Variants in KIAA1671 observed in about 807,000 individuals in gnomAD.
KIAA1671 encodes uncharacterized protein KIAA1671.
A neutral mutation model predicts 131.2 loss-of-function variants in KIAA1671; 52 were observed. The observed-to-expected ratio is 0.40, with a 90% CI of 0.32 to 0.50. The LOEUF (loss-of-function observed/expected upper bound fraction) is 0.50, where lower values mean the gene tolerates loss of function less well. Among genes scored for constraint, KIAA1671 ranks in the 20% least tolerant of loss-of-function variants. The pLI, the probability that KIAA1671 is intolerant of heterozygous loss-of-function variation, is 0.73. For synonymous variants in KIAA1671, 1,003 were observed against 961.6 expected, an observed-to-expected ratio of 1.04 and a Z score of -0.80; for missense variants, 2,360 against 2,364.2, an observed-to-expected ratio of 1.00 and a Z score of 0.04.
intron 1 of KIAA1671, among the ~76,000 whole-genome samples, chr22:24,969,272 C>A (rs6004374): frequency 0.18 from 28,115 of 152,026 alleles, 3,068 homozygotes; most frequent in South Asian, 0.3. Context: ...TCCAGATCTC[C>A]CTCAGATACC....
chr22:25,137,733 A>G (rs368734480), intron 6 of KIAA1671, among the ~76,000 whole-genome samples: 3 of 152,306 alleles, frequency 2.0e-5, no homozygotes, highest in East Asian at 3.9e-4. Context: ...TCATCAAGTG[A>G]TTTTCTTTCA....
intron 6 of KIAA1671, among the ~76,000 whole-genome samples, chr22:25,169,439 A>G (rs982419924): frequency 4.2e-5 from 6 of 144,292 alleles, no homozygotes; most frequent in East Asian, 2.1e-4. Flanking sequence ...AAAAAAAAAA[A>G]GGTGACTGAG....
At chr22:25,129,761 A>G (rs915711628) in intron 6 of KIAA1671, among the ~76,000 whole-genome samples, 1 of 151,792 alleles carries the variant, frequency 6.6e-6, no homozygotes, top group African/African-American at 2.4e-5. Context: ...TCCTGGGTTC[A>G]AGGACTCTTC....
At chr22:24,999,250 A>G (rs1347477819) in intron 1 of KIAA1671, among the ~76,000 whole-genome samples, 1 of 152,074 alleles carries the variant, frequency 6.6e-6, no homozygotes, top group East Asian at 1.9e-4. Flanking sequence ...AGAGAGAGAG[A>G]GCACAATAGG....
In KIAA1671 at chr22:24,965,757, A is replaced by AG. The variant is rs202083684; in HGVS notation, c.-208+12985_-208+12986insG. 5.1e-3 allele frequency among the ~76,000 whole-genome samples: 776 copies of AG among 151,066 alleles called. 6 individuals carry two copies. The highest frequency in any genetic ancestry group is 0.018 in the African/African-American group (718 of 40,652). ...CTCCATCTCAAAAAAAAAAAAAAAAAAAAAGAAAAGGATGAGCTTAAGGTT... is the reference window on the plus strand; with the variant it reads ...CTCCATCTCAAAAAAAAAAAAAAAAAGAAAAGAAAAGGATGAGCTTAAGGTT... On this transcript the variant is annotated intron_variant, in intron 1 of 12. Coordinates refer to ENST00000358431, the MANE Select transcript of KIAA1671 (RefSeq NM_001145206.2).
At chr22:24,978,946 C>T (rs1465188291) in intron 1 of KIAA1671, among the ~76,000 whole-genome samples, 1 of 149,512 alleles carries the variant, frequency 6.7e-6, no homozygotes, top group Non-Finnish European at 1.5e-5. Flanking sequence ...TGGCCTCCCA[C>T]AGTGCTGGGA....
Position 25,003,400 on chromosome 22 carries a change from A to ATTTTTTTTT in KIAA1671, c.-207-22212_-207-22204dup, listed in dbSNP as rs71191013. On this transcript the variant is annotated intron_variant, in intron 1 of 12. Transcript: ENST00000358431. ...GCCTTATCTCCTTTCACTTGGAGAG[A>ATTTTTTTTT]TTTTTTTTTTTTTTTTTTTTTTTTT... 7.0e-5 allele frequency among the ~76,000 whole-genome samples: 8 copies of ATTTTTTTTT among 113,844 alleles called. 1 individual carries two copies. Among genetic ancestry groups the ATTTTTTTTT allele is most frequent in the African/African-American group, 3.4e-4 (8 of 23,814 alleles). 74.7% of individuals were successfully genotyped at this position (113,844 alleles called of 152,430 possible).
chr22:24,997,728 A>C (rs1229412412), intron 1 of KIAA1671, among the ~76,000 whole-genome samples: 1 of 152,178 alleles, frequency 6.6e-6, no homozygotes, highest in African/African-American at 2.4e-5. Context: ...CTCCTTAAGC[A>C]TAACATACAT....
chr22:25,025,595 A>AG (rs1925907403), intron 1 of KIAA1671, 38 bp from the exon 2 acceptor site: 1 of 152,232 alleles, frequency 6.6e-6, no homozygotes, highest in Non-Finnish European at 1.5e-5. Context: ...ATACTGCCAG[A>AG]ACTCCGGAAC....
At chr22:24,962,418 A>T (rs1319485881) in intron 1 of KIAA1671, among the ~76,000 whole-genome samples, 1 of 152,156 alleles carries the variant, frequency 6.6e-6, no homozygotes, top group East Asian at 1.9e-4. Context: ...GGGTCCTGAT[A>T]GGGGCAGAAT....
At chr22:25,091,850 T>C (rs993590596) in intron 6 of KIAA1671, among the ~76,000 whole-genome samples, 3 of 152,228 alleles carry the variant, frequency 2.0e-5, no homozygotes, top group African/African-American at 4.8e-5. Context: ...TCCTAGGCTC[T>C]GGTTCATCAG....
chr22:25,002,970 C>T (rs1261668869), intron 1 of KIAA1671, among the ~76,000 whole-genome samples: 1 of 152,142 alleles, frequency 6.6e-6, no homozygotes, highest in Non-Finnish European at 1.5e-5. Flanking sequence ...TGGGATTTTG[C>T]CATGTTGCCC....
Position 25,088,305 on chromosome 22 carries a change from C to T in KIAA1671, c.4530+38941C>T, listed in dbSNP as rs570091360. ...GTATTCTTAGTAGAGACAGGTTTCA[C>T]CATGTTGGCCAGGCTGGTCTTGAAC... On this transcript the variant is annotated intron_variant, in intron 6 of 12. Transcript: ENST00000358431. 2.4e-4 allele frequency among the ~76,000 whole-genome samples: 36 copies of T among 152,198 alleles called. No homozygotes were observed. In the South Asian group the frequency reaches 5.4e-3, roughly 23 times the overall value.
intron 1 of KIAA1671, among the ~76,000 whole-genome samples, chr22:25,024,939 G>C (rs1925854525): frequency 6.6e-6 from 1 of 152,054 alleles, no homozygotes; most frequent in Non-Finnish European, 1.5e-5. Flanking sequence ...GTTGTACCGG[G>C]TTGAAGGGAG....
At chr22:25,042,217 G>A (rs11704268) in intron 5 of KIAA1671, among the ~76,000 whole-genome samples, 20,128 of 152,170 alleles carry the variant, frequency 0.13, 1,384 homozygotes, top group Middle Eastern at 0.14. Context: ...CCCATGCAGC[G>A]CGCCGGCCAC....
intron 6 of KIAA1671, among the ~76,000 whole-genome samples, chr22:25,080,031 A>G (rs938164522): frequency 1.3e-5 from 2 of 152,136 alleles, no homozygotes; most frequent in African/African-American, 4.8e-5. Context: ...TGGATTGGAC[A>G]TGGGATAGGA....
At chr22:24,984,926 A>G (rs1923438650) in intron 1 of KIAA1671, among the ~76,000 whole-genome samples, 1 of 151,150 alleles carries the variant, frequency 6.6e-6, no homozygotes, top group Non-Finnish European at 1.5e-5. Context: ...AAAAAAAAAA[A>G]AAAAAAAAAA....
At chr22:25,100,281 C>T (rs914855446) in intron 6 of KIAA1671, among the ~76,000 whole-genome samples, 1 of 152,200 alleles carries the variant, frequency 6.6e-6, no homozygotes. Flanking sequence ...TTCGTCAGAA[C>T]TGAGTATGGG....
intron 1 of KIAA1671, among the ~76,000 whole-genome samples, chr22:24,986,805 C>T (rs184883609): frequency 6.6e-6 from 1 of 151,888 alleles, no homozygotes; most frequent in Admixed American, 6.6e-5. Flanking sequence ...CATTTGTTAT[C>T]TGATCATCTG....
Sources: allele counts gnomAD v4.1 joint callset (sites outside exome capture counted in the v4.1 genomes callset), GRCh38; gene constraint gnomAD v4.1.1; transcripts MANE v1.5; gene names NCBI Gene and HGNC (gene_info 2026-07-23, HGNC 2026-07-21).